Variants in MAP2 observed in about 807,000 individuals in gnomAD.
The protein encoded by MAP2 is microtubule associated protein 2.
A neutral mutation model predicts 137.6 loss-of-function variants in MAP2; 14 were observed. The observed-to-expected ratio is 0.10, with a 90% CI of 0.07 to 0.16. The LOEUF is 0.16. MAP2 is among the 10% of genes least tolerant of loss of function. The pLI, the probability that MAP2 is intolerant of heterozygous loss-of-function variation, is 1.00. For synonymous variants in MAP2, 786 were observed against 782.3 expected (o/e 1.00, Z -0.08); for missense variants, 2,088 against 2,191.5 (o/e 0.95, Z 0.94).
Position 209,695,666 on chromosome 2 carries a change from G to T in MAP2, c.3496G>T (p.Ala1166Ser). 1 of 1,614,112 alleles carries T rather than the reference G, an allele frequency of 6.2e-7. No homozygotes were observed. Among genetic ancestry groups the T allele is most frequent in the Non-Finnish European group, 8.5e-7 (1 of 1,180,006 alleles). The change falls in exon 8 of 16, where the codon GCC (alanine) becomes TCC (serine). Residue 1166 changes from alanine to serine, a missense_variant. Physicochemically the swap from Ala to Ser is moderately conservative, Grantham distance 99 (BLOSUM62 1). Transcript: ENST00000682079. ...PESSLIQDEIAVKLSVEIPCP... is the reference protein window; with the variant it reads ...PESSLIQDEISVKLSVEIPCP... ...ATCATCTCTAATTCAAGATGAGATT[G>T]CCGTCAAATTGTCAGTGGAAATACC... is the stretch of plus-strand genomic sequence containing the variant.
intron 4 of MAP2, among the ~76,000 whole-genome samples, chr2:209,630,762 G>T (rs576990261): frequency 8.6e-5 from 13 of 151,916 alleles, no homozygotes; most frequent in Non-Finnish European, 1.5e-4. Context: ...CTTGACTGTG[G>T]TTTTTGTGTA....
chr2:209,689,830 T>C (rs1184923157), intron 7 of MAP2, among the ~76,000 whole-genome samples: 1 of 152,132 alleles, frequency 6.6e-6, no homozygotes, highest in East Asian at 1.9e-4. Flanking sequence ...GTCCCAGAGG[T>C]AGACTTTTGT....
At chr2:209,685,781 G>T (rs2056798036) in intron 7 of MAP2, among the ~76,000 whole-genome samples, 1 of 152,096 alleles carries the variant, frequency 6.6e-6, no homozygotes, top group African/African-American at 2.4e-5. Context: ...CAAGGCTCTG[G>T]ACTGTTTTTA....
chr2:209,663,847 G>A (rs1332125560), intron 5 of MAP2, among the ~76,000 whole-genome samples: 2 of 152,192 alleles, frequency 1.3e-5, no homozygotes, highest in African/African-American at 4.8e-5. Flanking sequence ...TTTGTGACAC[G>A]TTGCATTTGC....
At chr2:209,559,671 C>G (rs1386028070) in intron 2 of MAP2, among the ~76,000 whole-genome samples, 2 of 151,514 alleles carry the variant, frequency 1.3e-5, no homozygotes, top group Non-Finnish European at 3.0e-5. Flanking sequence ...AGAGAAAAAC[C>G]AAATTTGGCC....
chr2:209,598,739 T>C (rs2153454767), intron 3 of MAP2, among the ~76,000 whole-genome samples: 1 of 151,350 alleles, frequency 6.6e-6, no homozygotes, highest in Middle Eastern at 3.4e-3. Flanking sequence ...AGAATGATGA[T>C]TTCCAATTTC....
intron 7 of MAP2, among the ~76,000 whole-genome samples, chr2:209,690,030 C>T (rs1474515084): frequency 3.3e-5 from 5 of 152,112 alleles, no homozygotes; most frequent in African/African-American, 1.2e-4. Flanking sequence ...TGTGATAAAG[C>T]TGTTAAGGTA....
intron 2 of MAP2, among the ~76,000 whole-genome samples, chr2:209,555,878 T>C (rs1344910441): frequency 6.6e-6 from 1 of 152,196 alleles, no homozygotes; most frequent in Non-Finnish European, 1.5e-5. Flanking sequence ...ATTCTCAGCA[T>C]CTGCAGTTTG....
chr2:209,438,333 T>C (rs1696876739), intron 1 of MAP2, among the ~76,000 whole-genome samples: 1 of 151,632 alleles, frequency 6.6e-6, no homozygotes. Flanking sequence ...TTTCAGTAAA[T>C]TGCTTAGGGT....
chr2:209,468,627 A>T (rs938365682), intron 1 of MAP2, among the ~76,000 whole-genome samples: 3 of 152,014 alleles, frequency 2.0e-5, no homozygotes, highest in Non-Finnish European at 2.9e-5. Flanking sequence ...GCCTCAGTTT[A>T]GTGTTTCTTT....
At chr2:209,539,224 T>C (rs2150711007) in intron 2 of MAP2, among the ~76,000 whole-genome samples, 1 of 152,342 alleles carries the variant, frequency 6.6e-6, no homozygotes, top group South Asian at 2.1e-4. Context: ...TTTCTGCTCT[T>C]ATAAAATGCC....
intron 5 of MAP2, among the ~76,000 whole-genome samples, chr2:209,671,767 A>C (rs1046914687): frequency 1.3e-4 from 19 of 151,906 alleles, no homozygotes; most frequent in African/African-American, 4.1e-4. Context: ...TCTCAAGCAT[A>C]TGCCAAGGTG....
At chr2:209,517,261 A>C (rs908732350) in intron 2 of MAP2, among the ~76,000 whole-genome samples, 2 of 152,220 alleles carry the variant, frequency 1.3e-5, no homozygotes, top group South Asian at 4.1e-4. Context: ...TGATCACTGA[A>C]GTTCTCTGTT....
intron 1 of MAP2, among the ~76,000 whole-genome samples, chr2:209,484,792 T>C (rs1250976888): frequency 6.6e-6 from 1 of 152,220 alleles, no homozygotes; most frequent in African/African-American, 2.4e-5. Flanking sequence ...ATTCTGCCTT[T>C]TAAATAACCT....
chr2:209,662,721 T>A (rs927725277), intron 5 of MAP2, among the ~76,000 whole-genome samples: 1 of 152,032 alleles, frequency 6.6e-6, no homozygotes, highest in Non-Finnish European at 1.5e-5. Flanking sequence ...AAGTAATAAG[T>A]AATGGGAGTG....
intron 2 of MAP2, among the ~76,000 whole-genome samples, chr2:209,537,647 C>T (rs2066191664): frequency 6.6e-6 from 1 of 152,122 alleles, no homozygotes. Context: ...TATTGAGAAA[C>T]TAGTAGCCAT....
At chr2:209,544,357 G>A (rs865941577) in intron 2 of MAP2, among the ~76,000 whole-genome samples, 15 of 152,112 alleles carry the variant, frequency 9.9e-5, no homozygotes, top group Admixed American at 2.6e-4. Context: ...TAACAAAATG[G>A]TATTGGGAGA....
chr2:209,577,371 G>T (rs1175796030), intron 2 of MAP2, among the ~76,000 whole-genome samples: 1 of 151,934 alleles, frequency 6.6e-6, no homozygotes, highest in Non-Finnish European at 1.5e-5. Flanking sequence ...GATGATGGTG[G>T]CAGCAACTGT....
At chr2:209,521,858 T>G (rs1374068023) in intron 2 of MAP2, among the ~76,000 whole-genome samples, 1 of 152,310 alleles carries the variant, frequency 6.6e-6, no homozygotes, top group African/African-American at 2.4e-5. Flanking sequence ...TGGTATTATT[T>G]TTTCAATAAA....
Sources: gnomAD v4.1 joint callset for allele counts (sites outside exome capture counted in the v4.1 genomes callset) on GRCh38, gnomAD v4.1.1 for gene constraint, MANE v1.5 for transcripts, NCBI Gene and HGNC (gene_info 2026-07-23, HGNC 2026-07-21) for gene names.